SV2B: variants seen among roughly 807,000 people sequenced by gnomAD.
The protein encoded by SV2B is solute carrier family 22 member B2.
A neutral mutation model predicts 73.9 loss-of-function variants in SV2B; 41 were observed. The ratio of observed to expected loss-of-function variants is 0.56; its 90% CI spans 0.43 to 0.72. SV2B has a LOEUF of 0.72. SV2B is among the 30% of genes least tolerant of loss of function. The pLI, the probability that SV2B is intolerant of heterozygous loss-of-function variation, is 0.00. For synonymous variants in SV2B, 314 were observed against 314.2 expected, an observed-to-expected ratio of 1.00 and a Z score of 0.01; for missense variants, 764 against 857.8, an observed-to-expected ratio of 0.89 and a Z score of 1.37.
intron 1 of SV2B, among the ~76,000 whole-genome samples, chr15:91,219,461 A>T (rs2046144162): frequency 6.6e-6 from 1 of 152,160 alleles, no homozygotes; most frequent in Non-Finnish European, 1.5e-5. Flanking sequence ...TCCTGGGATG[A>T]ATGGAGCTTA....
chr15:91,188,884 TG>T (rs2044886155), intron 1 of SV2B, among the ~76,000 whole-genome samples: 3 of 152,086 alleles, frequency 2.0e-5, no homozygotes, highest in Non-Finnish European at 4.4e-5. Context: ...AGGAGTGCAG[TG>T]GTGCAATCTC....
At chr15:91,117,418 CAAAT>C (rs1290284103) in intron 1 of SV2B, among the ~76,000 whole-genome samples, 1 of 152,212 alleles carries the variant, frequency 6.6e-6, no homozygotes, top group Non-Finnish European at 1.5e-5. Flanking sequence ...TGCTGCCTAA[CAAAT>C]AGCCCTAATT....
chr15:91,200,137 T>A (rs2045409002), intron 1 of SV2B, among the ~76,000 whole-genome samples: 2 of 152,242 alleles, frequency 1.3e-5, no homozygotes, highest in Admixed American at 1.3e-4. Flanking sequence ...CCTATTGTTC[T>A]GATATTTGAT....
rs547305963 is a variant in SV2B at position 91,109,776 on chromosome 15, C to T, written c.-392+9413C>T. On this transcript the variant is annotated intron_variant, in intron 1 of 12. Transcript: ENST00000394232. ...TTGGTACATGTTCTTGCCCTGTTGC[C>T]CAGGCTGGAGTGTAGTGGCACAATC... 7.9e-5 allele frequency among the ~76,000 whole-genome samples: 12 copies of T among 152,264 alleles called. No homozygotes were observed. The East Asian group carries it at 2.3e-3, about 29-fold the overall frequency.
intron 1 of SV2B, among the ~76,000 whole-genome samples, chr15:91,133,755 T>A (rs879551853): frequency 6.6e-6 from 1 of 150,936 alleles, no homozygotes; most frequent in Non-Finnish European, 1.5e-5. Flanking sequence ...AGTCTTTGAC[T>A]GGGGCTTCTT....
In SV2B at chr15:91,252,424, GA is replaced by G. The variant is rs1293412165; in HGVS notation, c.689del (p.Glu230GlyfsTer15). 1.2e-6 allele frequency: 2 copies of G among 1,613,488 alleles called. No individual in the cohort carries two copies. The highest frequency in any genetic ancestry group is 1.7e-6 in the Non-Finnish European group (2 of 1,179,784). ...CTATTTTTCTGAATTCTTGTCTCGG[GA>G]GAAGCGAGGAGAACACCTCAGTTGG... ...FAYFSEFLSR[E>X]KRGEHLSWLG... On this transcript the variant is annotated frameshift_variant, in exon 4 of 13. Coordinates refer to ENST00000394232, the MANE Select transcript of SV2B (RefSeq NM_001323032.3). LOFTEE classifies it high-confidence loss of function. This position sits in a 1 kb window ranked among gnomAD's most constrained non-coding sequence, Gnocchi z 4.6.
At position 91,140,582 on chromosome 15, in the gene SV2B, C is replaced by T. The variant is rs1307345971; in HGVS notation, c.-392+40219C>T. 2.0e-5 allele frequency among the ~76,000 whole-genome samples: 3 copies of T among 152,172 alleles called. No homozygotes were observed. The highest frequency in any genetic ancestry group is 4.4e-5 in the Non-Finnish European group (3 of 68,032). ...GGTCTGCTTCCATTTAACCCGAGGCCTGAGGAGTAGCCCATTGCTCTCCTC... is the reference window on the plus strand; with the variant it reads ...GGTCTGCTTCCATTTAACCCGAGGCTTGAGGAGTAGCCCATTGCTCTCCTC... On this transcript the variant is annotated intron_variant, in intron 1 of 12. Coordinates refer to ENST00000394232, the MANE Select transcript of SV2B (RefSeq NM_001323032.3). The surrounding 1 kb of genome is among the most constrained non-coding windows in gnomAD (Gnocchi z 4.4).
Position 91,289,741 on chromosome 15 carries a change from C to T in SV2B, c.1868+61C>T. The stretch of plus-strand genomic sequence containing the variant: ...TTGGGCTTCTTTGGCCAGAAGTCTA[C>T]CTGCTCCCTAAATCTCATGCTGTGC... On this transcript the variant is annotated intron_variant, in intron 12 of 12. Transcript: ENST00000394232. This position sits in a 1 kb window ranked among gnomAD's most constrained non-coding sequence, Gnocchi z 4.9. 6.5e-7 allele frequency: 1 copy of T among 1,549,500 alleles called. No homozygotes were observed. The highest frequency in any genetic ancestry group is 8.8e-7 in the Non-Finnish European group (1 of 1,141,244).
At chr15:91,103,892 G>A (rs2041806894) in intron 1 of SV2B, among the ~76,000 whole-genome samples, 1 of 152,158 alleles carries the variant, frequency 6.6e-6, no homozygotes, top group African/African-American at 2.4e-5. Flanking sequence ...TCCGGGCCAC[G>A]TCACAGTGAC....
rs561426968 is a variant in SV2B at position 91,130,707 on chromosome 15, G to A, written c.-392+30344G>A. 7.2e-4 allele frequency among the ~76,000 whole-genome samples: 109 copies of A among 152,266 alleles called. No individual in the cohort carries two copies. Among genetic ancestry groups the A allele is most frequent in the African/African-American group, 2.5e-3 (104 of 41,536 alleles). ...ACTGCCTGCATGGAGGTGAGAAGAA[G>A]AGCTGCAGTCCTGGGGGCAAAGAGG... On this transcript the variant is annotated intron_variant, in intron 1 of 12. Coordinates refer to ENST00000394232, the MANE Select transcript of SV2B (RefSeq NM_001323032.3). The surrounding 1 kb of genome is among the most constrained non-coding windows in gnomAD (Gnocchi z 5.6).
intron 1 of SV2B, among the ~76,000 whole-genome samples, chr15:91,172,115 A>G (rs367647193): frequency 1.3e-4 from 20 of 152,348 alleles, no homozygotes; most frequent in African/African-American, 4.6e-4. Context: ...TCAGTAAAAT[A>G]AAAACAATCA....
rs951860961 is a variant in SV2B at position 91,229,424 on chromosome 15, T to G, written c.451+2710T>G. On this transcript the variant is annotated intron_variant, in intron 2 of 12. Transcript: ENST00000394232. The surrounding 1 kb of genome is among the most constrained non-coding windows in gnomAD (Gnocchi z 4.3). ...CCCTCTCAACAATGATTAGTTCTCGTTACTTTATATTCTGCCATTCTCCCA... is the reference window on the plus strand; with the variant it reads ...CCCTCTCAACAATGATTAGTTCTCGGTACTTTATATTCTGCCATTCTCCCA... Among the ~76,000 whole-genome samples the G allele has an allele frequency of 2.0e-5, 3 of 152,196 alleles. No homozygotes were observed. Among genetic ancestry groups the G allele is most frequent in the African/African-American group, 7.2e-5 (3 of 41,448 alleles).
chr15:91,166,937 C>T (rs1396541135), intron 1 of SV2B, among the ~76,000 whole-genome samples: 1 of 151,770 alleles, frequency 6.6e-6, no homozygotes, highest in Non-Finnish European at 1.5e-5. Context: ...CCTCAGCCTC[C>T]CAAGTAGCTG....
chr15:91,145,157 G>A (rs980333331), intron 1 of SV2B, among the ~76,000 whole-genome samples: 19 of 151,990 alleles, frequency 1.3e-4, no homozygotes, highest in Non-Finnish European at 2.5e-4. Context: ...TCCTCCAATA[G>A]ACTCCAGTGT....
At chr15:91,153,480 T>A (rs978610141) in intron 1 of SV2B, among the ~76,000 whole-genome samples, 1 of 152,156 alleles carries the variant, frequency 6.6e-6, no homozygotes, top group Non-Finnish European at 1.5e-5. Context: ...AAGGCTCAAT[T>A]TCCCCATCCC....
intron 1 of SV2B, among the ~76,000 whole-genome samples, chr15:91,217,120 G>A (rs562780511): frequency 7.9e-5 from 12 of 152,148 alleles, no homozygotes; most frequent in East Asian, 1.9e-4. Flanking sequence ...CAGATGATCT[G>A]CCCGCCTCAG....
rs1489785958 is a variant in SV2B at position 91,240,714 on chromosome 15, T to C, written c.452-11105T>C. On this transcript the variant is annotated intron_variant, in intron 2 of 12. Transcript: ENST00000394232. This position sits in a 1 kb window ranked among gnomAD's most constrained non-coding sequence, Gnocchi z 4.6. ...TATGCTCTTTATCCCTGTATGTCAATCACCGTGAGAGGTTCATGTCTGCCA... is the reference window on the plus strand; with the variant it reads ...TATGCTCTTTATCCCTGTATGTCAACCACCGTGAGAGGTTCATGTCTGCCA... Among the ~76,000 whole-genome samples, 2 of 152,150 alleles carry C rather than the reference T, an allele frequency of 1.3e-5. No individual in the cohort carries two copies. Among genetic ancestry groups the C allele is most frequent in the Admixed American group, 1.3e-4 (2 of 15,276 alleles).
intron 1 of SV2B, among the ~76,000 whole-genome samples, chr15:91,172,459 T>A (rs1567312660): frequency 6.6e-6 from 1 of 152,182 alleles, no homozygotes; most frequent in African/African-American, 2.4e-5. Flanking sequence ...ATCCCCTCCC[T>A]GGATACAGCA....
At chr15:91,181,806 G>T (rs2044587211) in intron 1 of SV2B, among the ~76,000 whole-genome samples, 1 of 151,198 alleles carries the variant, frequency 6.6e-6, no homozygotes. Flanking sequence ...CTGTATTGGG[G>T]GTATTTGCAA....
Sources: gnomAD v4.1 joint callset for allele counts (sites outside exome capture counted in the v4.1 genomes callset) on GRCh38, gnomAD v4.1.1 for gene constraint, Gnocchi (gnomAD v3.1) non-coding constraint, MANE v1.5 for transcripts, NCBI Gene and HGNC (gene_info 2026-07-23, HGNC 2026-07-21) for gene names.